The following ZNF516 variants were observed in gnomAD, a reference collection of about 807,000 sequenced individuals.
The protein encoded by ZNF516 is zinc finger protein 516.
Under a neutral mutation model 79.7 loss-of-function variants are expected in ZNF516, and 19 were observed. That is an observed-to-expected ratio of 0.24 (90% confidence interval 0.17 to 0.35). The LOEUF (loss-of-function observed/expected upper bound fraction) is 0.35, where lower values mean the gene tolerates loss of function less well. ZNF516 is among the 10% of genes least tolerant of loss of function. The probability of loss-of-function intolerance (pLI) is 1.00; values close to 1 mark genes in which losing one functional copy is unlikely to be tolerated. For missense variants in ZNF516, 1,678 were observed against 1,679.5 expected, an observed-to-expected ratio of 1.00 and a Z score of 0.02; for synonymous variants, 877 against 739.5, an observed-to-expected ratio of 1.19 and a Z score of -3.02.
chr18:76,433,184 C>G (rs1041315777), intron 3 of ZNF516, among the ~76,000 whole-genome samples: 1 of 152,190 alleles, frequency 6.6e-6, no homozygotes, highest in Admixed American at 6.5e-5. Context: ...AGGAAGATCT[C>G]TAGAGTCTAG....
At chr18:76,465,752 C>A (rs558347328) in intron 1 of ZNF516, among the ~76,000 whole-genome samples, 2 of 152,280 alleles carry the variant, frequency 1.3e-5, no homozygotes, top group African/African-American at 4.8e-5. Flanking sequence ...GAAGTCCCTG[C>A]ACCAGGACGT....
rs61233300 is a variant in ZNF516 at position 76,360,646 on chromosome 18, AATATATATATATATATAT to A, written c.*1834_*1851del. ...AAAAAAATAAGTAAAAAAAAAAAAAAATATATATATATATATATATATATATATATATAAGCTAGCCAG... is the reference window on the plus strand; with the variant it reads ...AAAAAAATAAGTAAAAAAAAAAAAAAATATATATATATATAAGCTAGCCAG... On this transcript the variant is annotated 3_prime_UTR_variant, in exon 7 of 7. Coordinates refer to ENST00000443185, the MANE Select transcript of ZNF516 (RefSeq NM_014643.4). 1 of 72,494 alleles carries A rather than the reference AATATATATATATATATAT, an allele frequency of 1.4e-5. No individual in the cohort carries two copies. Among genetic ancestry groups the A allele is most frequent in the Non-Finnish European group, 2.7e-5 (1 of 36,934 alleles). The allele number at this position is 72,494 out of a possible 1,614,324, so 4.5% of individuals were successfully genotyped here. A position where few individuals can be genotyped will look rare whatever the true frequency, so the allele number is the denominator to read the frequency against.
chr18:76,369,378 G>C (rs1271729457), intron 6 of ZNF516, among the ~76,000 whole-genome samples: 3 of 151,994 alleles, frequency 2.0e-5, no homozygotes, highest in Admixed American at 6.5e-5. Context: ...ATGAAGCAAA[G>C]GCCTTTAACA....
In ZNF516 at chr18:76,442,881, G is replaced by C. The variant is rs778346582; in HGVS notation, c.174C>G (p.Gly58=). The change falls in exon 3 of 7, where the codon GGC becomes GGG. Residue 58 remains glycine (G), a synonymous_variant. Coordinates refer to ENST00000443185, the MANE Select transcript of ZNF516 (RefSeq NM_014643.4). ...AGTAGGGACACTTGTAGGGCTTCTC[G>C]CCCGTGTGCTTGCGCATGTGCTGCG... is the stretch of plus-strand genomic sequence containing the variant. The part of the protein sequence containing the change: ...SLSQHMRKHT[G]EKPYKCPYCD... 2 of 1,613,810 alleles carry C rather than the reference G, an allele frequency of 1.2e-6. No homozygotes were observed. The highest frequency in any genetic ancestry group is 1.3e-5 in the African/African-American group (1 of 75,054).
chr18:76,387,860 G>C (rs925065124), intron 3 of ZNF516: 1 of 152,252 alleles, frequency 6.6e-6, no homozygotes, highest in African/African-American at 2.4e-5. Context: ...GCCCTAAATG[G>C]GAACAGGTAT....
intron 4 of ZNF516, among the ~76,000 whole-genome samples, chr18:76,373,176 A>T (rs1230220251): frequency 6.6e-6 from 1 of 151,960 alleles, no homozygotes; most frequent in Admixed American, 6.6e-5. Flanking sequence ...AGAAAGAGGA[A>T]AAAGAAAAAG....
At chr18:76,495,337 G>C (rs1319712101), upstream of ZNF516, 2 of 144,364 alleles carry the variant, frequency 1.4e-5, no homozygotes, top group Non-Finnish European at 3.1e-5. Flanking sequence ...CCGCCCGCGC[G>C]CGCCCCGGAC....
rs997524403 is a variant in ZNF516 at position 76,359,158 on chromosome 18, A to G, written c.*3340T>C. The G allele has an allele frequency of 6.6e-6, 1 of 152,238 alleles. No homozygotes were observed. The highest frequency in any genetic ancestry group is 1.5e-5 in the Non-Finnish European group (1 of 68,044). 9.4% of individuals were successfully genotyped at this position (152,238 alleles called of 1,614,324 possible). The stretch of plus-strand genomic sequence containing the variant: ...TTTCTCTGACGAAGTAACTGTATGC[A>G]ACTCCCAATTGCTACTTCCTGAAGC... On this transcript the variant is annotated 3_prime_UTR_variant, in exon 7 of 7. Transcript: ENST00000443185.
At chr18:76,487,061 G>A (rs1253784893) in intron 1 of ZNF516, among the ~76,000 whole-genome samples, 6 of 152,094 alleles carry the variant, frequency 3.9e-5, no homozygotes, top group Admixed American at 3.9e-4. Context: ...AAAAATAGTT[G>A]CATTTCTAAT....
intron 3 of ZNF516, among the ~76,000 whole-genome samples, chr18:76,394,974 T>C (rs2075125136): frequency 6.6e-6 from 1 of 152,106 alleles, no homozygotes; most frequent in Non-Finnish European, 1.5e-5. Flanking sequence ...CCGGATGATA[T>C]CCCAGGTCTG....
At chr18:76,440,942 G>A (rs1206194928) in intron 3 of ZNF516, among the ~76,000 whole-genome samples, 1 of 152,138 alleles carries the variant, frequency 6.6e-6, no homozygotes, top group African/African-American at 2.4e-5. Flanking sequence ...ACACTGAAAG[G>A]GGCTCCAAGG....
At chr18:76,425,587 G>A (rs949513164) in intron 3 of ZNF516, among the ~76,000 whole-genome samples, 14 of 152,188 alleles carry the variant, frequency 9.2e-5, no homozygotes, top group Admixed American at 6.5e-5. Context: ...CCACATCTGG[G>A]AAGCCCATGT....
chr18:76,459,261 G>A lies in ZNF516; in HGVS notation c.-158+3767C>T, dbSNP rs1233735197. Among the ~76,000 whole-genome samples, 1 of 152,150 alleles carries A rather than the reference G, an allele frequency of 6.6e-6. No homozygotes were observed. The highest frequency in any genetic ancestry group is 1.5e-5 in the Non-Finnish European group (1 of 68,020). ...GAGCTTCGGCTTCTCCTCCATGCAC[G>A]GTCACTGCTGGAGGCACACTGGACC... On this transcript the variant is annotated intron_variant, in intron 2 of 6. Transcript: ENST00000443185. This position sits in a 1 kb window ranked among gnomAD's most constrained non-coding sequence, Gnocchi z 5.0.
intron 3 of ZNF516, chr18:76,386,363 G>A (rs760447940): frequency 1.4e-4 from 21 of 152,160 alleles, no homozygotes; most frequent in Admixed American, 7.9e-4. Flanking sequence ...AACAGGGAGT[G>A]AGAAGTGAAT....
At chr18:76,491,267 CCCCCCTCCCCGG>C (rs1241530651) in intron 1 of ZNF516, among the ~76,000 whole-genome samples, 7 of 100,158 alleles carry the variant, frequency 7.0e-5, no homozygotes, top group Admixed American at 5.5e-4. Flanking sequence ...ACCGGACCCG[CCCCCCTCCCCGG>C]CCCCGGCCCC....
At chr18:76,440,433 C>T (rs1329994485) in intron 3 of ZNF516, among the ~76,000 whole-genome samples, 1 of 152,302 alleles carries the variant, frequency 6.6e-6, no homozygotes, top group South Asian at 2.1e-4. Context: ...ACATCTTTGG[C>T]TTTGTGGAGA....
intron 1 of ZNF516, chr18:76,487,869 ACTACACTTTCGGC>A: frequency 1.1e-6 from 1 of 928,576 alleles, no homozygotes; most frequent in Non-Finnish European, 1.3e-6. Context: ...GGCTGCTGCC[ACTACACTTTCGGC>A]CAGTCAGGTG....
At chr18:76,414,532 C>T (rs77729970) in intron 3 of ZNF516, among the ~76,000 whole-genome samples, 2,850 of 152,284 alleles carry the variant, frequency 0.019, 49 homozygotes, top group African/African-American at 0.041. Flanking sequence ...ACACAGTAAA[C>T]CACAAACTGC....
chr18:76,480,531 T>TA (rs1568327546), intron 1 of ZNF516, among the ~76,000 whole-genome samples: 60 of 52,866 alleles, frequency 1.1e-3, no homozygotes, highest in African/African-American at 4.2e-3. Context: ...ACACATATAT[T>TA]TTTTTTTTTG....
Sources: gnomAD v4.1 joint callset for allele counts (sites outside exome capture counted in the v4.1 genomes callset) on GRCh38, gnomAD v4.1.1 for gene constraint, Gnocchi (gnomAD v3.1) non-coding constraint, MANE v1.5 for transcripts, NCBI Gene and HGNC (gene_info 2026-07-23, HGNC 2026-07-21) for gene names.